Variants in TANC1 observed in about 807,000 individuals in gnomAD.
TANC1 encodes tetratricopeptide repeat, ankyrin repeat and coiled-coil containing 1.
TANC1 carries 77 observed loss-of-function variants against 149.7 expected under a neutral mutation model. That is an observed-to-expected ratio of 0.51 (90% CI 0.43 to 0.62). The LOEUF is 0.62. Ranked by LOEUF, TANC1 falls within the 20% of genes least tolerant of loss-of-function variation. TANC1 has a pLI of 0.00. For synonymous variants in TANC1, 854 were observed against 925.0 expected (o/e 0.92, Z 1.39); for missense variants, 1,985 against 2,321.8 (o/e 0.85, Z 2.98).
chr2:159,100,525 C>G (rs888749954), intron 4 of TANC1, among the ~76,000 whole-genome samples: 4 of 152,172 alleles, frequency 2.6e-5, no homozygotes, highest in South Asian at 4.1e-4. Flanking sequence ...GTTAATAGTT[C>G]TGAAACATAC....
At chr2:158,982,830 C>CGAATG (rs1245219954) in intron 1 of TANC1, among the ~76,000 whole-genome samples, 2 of 152,056 alleles carry the variant, frequency 1.3e-5, no homozygotes, top group Non-Finnish European at 2.9e-5. Context: ...TGCTATGTCA[C>CGAATG]CCAGGCTGGT....
At chr2:159,161,443 G>A (rs2054038829) in intron 7 of TANC1, among the ~76,000 whole-genome samples, 1 of 152,210 alleles carries the variant, frequency 6.6e-6, no homozygotes, top group Admixed American at 6.5e-5. Flanking sequence ...GGATTTAAAT[G>A]TGAAGGTTTG....
chr2:159,136,226 C>T lies in TANC1; in HGVS notation c.292C>T (p.Pro98Ser), dbSNP rs766914310. Reference protein sequence around the residue: ...PVRKPKYVESPRVPGDAVIMP... With the variant: ...PVRKPKYVESSRVPGDAVIMP... The stretch of plus-strand genomic sequence containing the variant: ...CAGGAAGCCCAAGTATGTGGAAAGC[C>T]CCAGAGTGCCTGGAGATGCAGTTAT... Residue 98 changes from proline to serine, a missense_variant, in exon 5 of 27, where the codon CCC (proline) becomes TCC (serine). By Grantham distance (74) the Pro-to-Ser change is moderately conservative (BLOSUM62 -1). Around this residue, in one of 3 missense-constraint regions of TANC1, gnomAD observed 557 missense variants for 612.9 expected, o/e 0.91. Coordinates refer to ENST00000263635, the MANE Select transcript of TANC1 (RefSeq NM_033394.3). The T allele has an allele frequency of 6.2e-7, 1 of 1,613,184 alleles. No homozygotes were observed. The highest frequency in any genetic ancestry group is 2.2e-5 in the East Asian group (1 of 44,868).
chr2:159,002,165 G>A (rs2036665740), intron 2 of TANC1, among the ~76,000 whole-genome samples: 1 of 152,218 alleles, frequency 6.6e-6, no homozygotes, highest in Non-Finnish European at 1.5e-5. Flanking sequence ...ATTCTTCCCA[G>A]ACTGGGACCT....
chr2:158,971,835 G>T (rs2032931155), intron 1 of TANC1, among the ~76,000 whole-genome samples: 2 of 152,218 alleles, frequency 1.3e-5, no homozygotes, highest in African/African-American at 4.8e-5. Flanking sequence ...CCAAGGCCTA[G>T]AAAGTTAAAT....
chr2:159,066,091 C>A, intron 3 of TANC1, 120 bp downstream of exon 3: 1 of 785,526 alleles, frequency 1.3e-6, no homozygotes, highest in Non-Finnish European at 2.3e-6. Context: ...TGGGTTAGAA[C>A]AAACAGTGTG....
intron 1 of TANC1, among the ~76,000 whole-genome samples, chr2:158,994,835 T>G (rs994344193): frequency 5.9e-5 from 9 of 152,266 alleles, no homozygotes; most frequent in Non-Finnish European, 2.9e-5. Flanking sequence ...ACATCATGTA[T>G]GAATTATCTC....
chr2:159,208,737 A>T (rs2058789506), intron 19 of TANC1, among the ~76,000 whole-genome samples: 1 of 152,224 alleles, frequency 6.6e-6, no homozygotes, highest in African/African-American at 2.4e-5. Flanking sequence ...GAGTTTTGCC[A>T]ATGGGAAACA....
At position 159,047,197 on chromosome 2, in the gene TANC1, C is replaced by T. The variant is rs140276601; in HGVS notation, c.-15-18699C>T. 3.0e-3 allele frequency among the ~76,000 whole-genome samples: 460 copies of T among 151,072 alleles called. 3 individuals carry two copies. Among genetic ancestry groups the T allele is most frequent in the African/African-American group, 0.01 (430 of 41,140 alleles). ...CCAAACTGAACTCATTTCCCCCCCC[C>T]AGTTATTGCCTGCTTCCTGCTCCCC... is the stretch of plus-strand genomic sequence containing the variant. On this transcript the variant is annotated intron_variant, in intron 2 of 26. Transcript: ENST00000263635.
chr2:159,102,569 C>T (rs576538947), intron 4 of TANC1, among the ~76,000 whole-genome samples: 1 of 135,850 alleles, frequency 7.4e-6, no homozygotes, highest in Non-Finnish European at 1.6e-5. Flanking sequence ...GCTGGGATTA[C>T]AGGCATGAGC....
At position 159,006,020 on chromosome 2, in the gene TANC1, C is replaced by T. The variant is rs777968335; in HGVS notation, c.-16+4831C>T. On this transcript the variant is annotated intron_variant, in intron 2 of 26. Coordinates refer to ENST00000263635, the MANE Select transcript of TANC1 (RefSeq NM_033394.3). ...TAGTAATTAGAATGTTATGGCCGGG[C>T]GCAGTGACTTACACCTGTAATCCCA... Among the ~76,000 whole-genome samples, 7 of 152,022 alleles carry T rather than the reference C, an allele frequency of 4.6e-5. 1 individual carries two copies. Among genetic ancestry groups the T allele is most frequent in the Middle Eastern group, 3.4e-3 (1 of 294 alleles).
intron 22 of TANC1, among the ~76,000 whole-genome samples, chr2:159,222,405 C>T (rs1193087224): frequency 6.6e-6 from 1 of 152,188 alleles, no homozygotes; most frequent in African/African-American, 2.4e-5. Flanking sequence ...CCATCTCCCC[C>T]AGCCCATCAC....
At chr2:159,173,912 A>C (rs1339859100) in intron 11 of TANC1, among the ~76,000 whole-genome samples, 1 of 152,178 alleles carries the variant, frequency 6.6e-6, no homozygotes. Flanking sequence ...CAGACTTGGG[A>C]TCTAATCCCA....
intron 25 of TANC1, chr2:159,228,582 C>T (rs1241043539): frequency 1.9e-6 from 1 of 526,574 alleles, no homozygotes; most frequent in Admixed American, 3.3e-5. Flanking sequence ...GGCACTGTTA[C>T]TACCACTGTT....
chr2:159,055,713 T>C (rs1386394876), intron 2 of TANC1, among the ~76,000 whole-genome samples: 3 of 152,150 alleles, frequency 2.0e-5, no homozygotes, highest in Non-Finnish European at 4.4e-5. Flanking sequence ...TTCATTCCCT[T>C]CCTGACCAGC....
chr2:159,122,112 A>G (rs1052049420), intron 4 of TANC1, among the ~76,000 whole-genome samples: 1 of 151,936 alleles, frequency 6.6e-6, no homozygotes, highest in Non-Finnish European at 1.5e-5. Flanking sequence ...TAATTTTTGT[A>G]TTTTCTGTAG....
At chr2:159,204,779 C>A (rs2058489614) in intron 19 of TANC1, among the ~76,000 whole-genome samples, 1 of 152,196 alleles carries the variant, frequency 6.6e-6, no homozygotes, top group Admixed American at 6.5e-5. Flanking sequence ...TTGTTGAATA[C>A]TTTCTAAAGG....
chr2:159,067,916 A>G (rs554903112), intron 3 of TANC1, among the ~76,000 whole-genome samples: 1 of 152,364 alleles, frequency 6.6e-6, no homozygotes, highest in African/African-American at 2.4e-5. Context: ...TTCCAGTTTC[A>G]GAGCATGTGA....
chr2:159,003,584 G>A (rs1396492843), intron 2 of TANC1, among the ~76,000 whole-genome samples: 1 of 151,708 alleles, frequency 6.6e-6, no homozygotes, highest in African/African-American at 2.4e-5. Context: ...AACTGGTAGA[G>A]GCATAAAGTG....
Sources: allele counts gnomAD v4.1 joint callset (sites outside exome capture counted in the v4.1 genomes callset), GRCh38; gene constraint gnomAD v4.1.1; regional missense constraint gnomAD v4.1.1; transcripts MANE v1.5; gene names NCBI Gene and HGNC (gene_info 2026-07-23, HGNC 2026-07-21).